The following SPOCK1 variants were observed in gnomAD, a reference collection of about 807,000 sequenced individuals.
SPOCK1 encodes the protein testican-1.
A neutral mutation model predicts 55.3 loss-of-function variants in SPOCK1; 23 were observed. The observed-to-expected ratio is 0.42, with a 90% CI of 0.30 to 0.59. SPOCK1 has a LOEUF of 0.59. Ranked by LOEUF, SPOCK1 falls within the 20% of genes least tolerant of loss-of-function variation. The probability of loss-of-function intolerance (pLI) is 0.22; values close to 1 mark genes in which losing one functional copy is unlikely to be tolerated. For synonymous variants in SPOCK1, 226 were observed against 221.0 expected (o/e 1.02, Z -0.20); for missense variants, 499 against 552.5 (o/e 0.90, Z 0.97).
chr5:137,404,089 A>AAT (rs1213952734), intron 2 of SPOCK1, among the ~76,000 whole-genome samples: 9 of 152,202 alleles, frequency 5.9e-5, no homozygotes, highest in African/African-American at 2.4e-5. Flanking sequence ...GTTGACAGGC[A>AAT]ATAACTCACT....
chr5:137,231,531 C>T (rs1470819888), intron 3 of SPOCK1, among the ~76,000 whole-genome samples: 2 of 152,168 alleles, frequency 1.3e-5, no homozygotes, highest in Non-Finnish European at 2.9e-5. Flanking sequence ...GCAAAATTTC[C>T]TGAAGATTCA....
intron 2 of SPOCK1, among the ~76,000 whole-genome samples, chr5:137,413,494 T>C (rs961337470): frequency 6.6e-6 from 1 of 151,114 alleles, no homozygotes; most frequent in African/African-American, 2.5e-5. Flanking sequence ...GGGATTTCTA[T>C]TCACTTACTA....
chr5:137,176,139 C>G (rs755640312), intron 3 of SPOCK1, among the ~76,000 whole-genome samples: 2 of 152,172 alleles, frequency 1.3e-5, no homozygotes, highest in Non-Finnish European at 2.9e-5. Flanking sequence ...ACTACCAACC[C>G]TCTTGCTTAC....
chr5:137,365,173 A>G (rs1751031348), intron 2 of SPOCK1: 1 of 152,384 alleles, frequency 6.6e-6, no homozygotes, highest in African/African-American at 2.4e-5. Context: ...CCCAGGCTGC[A>G]GTTCTCAGTC....
intron 2 of SPOCK1, among the ~76,000 whole-genome samples, chr5:137,397,064 T>C (rs557902888): frequency 1.3e-5 from 2 of 152,272 alleles, no homozygotes; most frequent in South Asian, 2.1e-4. Flanking sequence ...AAGTGAGCAA[T>C]TGAGGCAGGA....
intron 2 of SPOCK1, among the ~76,000 whole-genome samples, chr5:137,325,727 T>G (rs1758063560): frequency 6.6e-6 from 1 of 152,144 alleles, no homozygotes. Flanking sequence ...CATGCATATG[T>G]TAATACCAGG....
intron 2 of SPOCK1, among the ~76,000 whole-genome samples, chr5:137,473,309 G>A (rs1383740634): frequency 1.3e-5 from 2 of 152,162 alleles, no homozygotes; most frequent in African/African-American, 2.4e-5. Flanking sequence ...TTGATAAATT[G>A]CTATAAGCTG....
At chr5:137,196,716 T>A (rs939131247) in intron 3 of SPOCK1, among the ~76,000 whole-genome samples, 4 of 152,236 alleles carry the variant, frequency 2.6e-5, no homozygotes, top group Non-Finnish European at 5.9e-5. Flanking sequence ...TATCACTGTT[T>A]AAAATTTACA....
chr5:137,080,081 T>C (rs1203296340), intron 5 of SPOCK1, among the ~76,000 whole-genome samples: 2 of 152,258 alleles, frequency 1.3e-5, no homozygotes, highest in Non-Finnish European at 2.9e-5. Context: ...TCATAATGTA[T>C]ACAAGGTTTA....
chr5:137,019,133 A>T (rs1195119549), intron 6 of SPOCK1, among the ~76,000 whole-genome samples: 1 of 152,220 alleles, frequency 6.6e-6, no homozygotes, highest in Non-Finnish European at 1.5e-5. Flanking sequence ...TCAGATGTGA[A>T]TGTAAATAAT....
At chr5:137,040,934 C>T (rs1186886797) in intron 6 of SPOCK1, among the ~76,000 whole-genome samples, 2 of 152,200 alleles carry the variant, frequency 1.3e-5, no homozygotes, top group Non-Finnish European at 2.9e-5. Flanking sequence ...CTACTGTGTA[C>T]TTGGCCAGCA....
At chr5:136,992,109 C>G (rs1237429542) in intron 7 of SPOCK1, among the ~76,000 whole-genome samples, 1 of 152,156 alleles carries the variant, frequency 6.6e-6, no homozygotes, top group Non-Finnish European at 1.5e-5. Flanking sequence ...GTGTAGCTAT[C>G]AGAAAGCAGA....
At chr5:137,485,731 C>CA (rs895003226) in intron 2 of SPOCK1, among the ~76,000 whole-genome samples, 3 of 150,680 alleles carry the variant, frequency 2.0e-5, no homozygotes, top group Non-Finnish European at 3.0e-5. Context: ...AACACACACA[C>CA]AAAAAAAAGT....
chr5:136,999,168 A>G (rs1561575351), intron 6 of SPOCK1, among the ~76,000 whole-genome samples: 1 of 152,190 alleles, frequency 6.6e-6, no homozygotes, highest in Non-Finnish European at 1.5e-5. Flanking sequence ...GGGAGGGAGA[A>G]GGAGGCATTG....
intron 3 of SPOCK1, among the ~76,000 whole-genome samples, chr5:137,228,648 A>AT (rs1466102287): frequency 6.6e-6 from 1 of 152,148 alleles, no homozygotes; most frequent in Non-Finnish European, 1.5e-5. Flanking sequence ...CAAAACAAAA[A>AT]TAAAAACAAA....
intron 9 of SPOCK1, among the ~76,000 whole-genome samples, chr5:136,981,345 GGTATTTTA>G (rs1014369327): frequency 1.3e-5 from 2 of 152,070 alleles, no homozygotes; most frequent in African/African-American, 4.8e-5. Flanking sequence ...TCTCTGATAT[GGTATTTTA>G]ATATTTTTAC....
At chr5:137,027,505 A>G (rs1326852796) in intron 6 of SPOCK1, among the ~76,000 whole-genome samples, 1 of 152,190 alleles carries the variant, frequency 6.6e-6, no homozygotes, top group Non-Finnish European at 1.5e-5. Flanking sequence ...GGCAGCCATT[A>G]ATCATGTGTG....
rs369022456 is a variant in SPOCK1 at position 137,124,086 on chromosome 5, A to G, written c.348-11525T>C. On this transcript the variant is annotated intron_variant, in intron 4 of 10. Coordinates refer to ENST00000394945, the MANE Select transcript of SPOCK1 (RefSeq NM_004598.4). Reference sequence around the variant, plus strand: ...AAGAACTGTAGGTAATCACAGAGCCATAAAGAACAACAAGCCAACTTTCCA... The same window carrying G: ...AAGAACTGTAGGTAATCACAGAGCCGTAAAGAACAACAAGCCAACTTTCCA... Among the ~76,000 whole-genome samples the G allele has an allele frequency of 4.6e-5, 7 of 152,294 alleles. No homozygotes were observed. The South Asian group carries it at 1.0e-3, about 23-fold the overall frequency.
At chr5:137,025,305 A>C (rs890440582) in intron 6 of SPOCK1, among the ~76,000 whole-genome samples, 16 of 152,100 alleles carry the variant, frequency 1.1e-4, no homozygotes, top group African/African-American at 3.6e-4. Flanking sequence ...AGCACAATGA[A>C]ATTTTTTCAA....
Sources: allele counts gnomAD v4.1 joint callset (sites outside exome capture counted in the v4.1 genomes callset), GRCh38; gene constraint gnomAD v4.1.1; transcripts MANE v1.5; gene names NCBI Gene and HGNC (gene_info 2026-07-23, HGNC 2026-07-21).